MYOM2: variants seen among roughly 807,000 people sequenced by gnomAD.
MYOM2 encodes the protein myomesin-2.
Under a neutral mutation model 187.6 loss-of-function variants are expected in MYOM2, and 254 were observed. The observed-to-expected ratio is 1.35, with a 90% CI of 1.22 to 1.50. MYOM2 has a LOEUF of 1.50. Among genes scored for constraint, MYOM2 ranks in the 40% most tolerant of loss-of-function variants. MYOM2 has a pLI of 0.00. For synonymous variants in MYOM2, 981 were observed against 753.8 expected (o/e 1.30, Z -4.94); for missense variants, 2,796 against 1,924.0 (o/e 1.45, Z -8.48).
chr8:2,094,758 G>A (rs1253236911), intron 17 of MYOM2, among the ~76,000 whole-genome samples: 1 of 152,194 alleles, frequency 6.6e-6, no homozygotes, highest in African/African-American at 2.4e-5. Flanking sequence ...AGGAACTTTA[G>A]TCACTTCAGA....
chr8:2,087,879 C>G (rs904670484), intron 14 of MYOM2, among the ~76,000 whole-genome samples: 8 of 152,260 alleles, frequency 5.3e-5, no homozygotes, highest in Admixed American at 5.2e-4. Context: ...CTCAGCCTCC[C>G]AAAGTGCTGG....
intron 30 of MYOM2, among the ~76,000 whole-genome samples, chr8:2,123,852 A>T (rs1797542470): frequency 6.6e-6 from 1 of 152,248 alleles, no homozygotes; most frequent in Non-Finnish European, 1.5e-5. Context: ...CTCTGGGTTT[A>T]TATGAAACGT....
intron 27 of MYOM2, 68 bp downstream of exon 27, chr8:2,116,343 C>T: frequency 2.7e-6 from 4 of 1,464,288 alleles, no homozygotes; most frequent in Middle Eastern, 3.5e-4. Context: ...GAGTATTTGT[C>T]AGAAGCAGAT....
intron 25 of MYOM2, among the ~76,000 whole-genome samples, chr8:2,113,590 C>A (rs182900382): frequency 5.3e-5 from 8 of 152,036 alleles, no homozygotes; most frequent in Non-Finnish European, 1.0e-4. Context: ...GAGGAAGGAC[C>A]GACTGGGACA....
chr8:2,129,201 A>G lies in MYOM2; in HGVS notation c.3769A>G (p.Thr1257Ala). The G allele has an allele frequency of 1.2e-6, 2 of 1,611,588 alleles. No homozygotes were observed. The highest frequency in any genetic ancestry group is 1.7e-6 in the Non-Finnish European group (2 of 1,177,776). The change falls in exon 32 of 37, where the codon ACA (threonine) becomes GCA (alanine). Residue 1257 changes from threonine (T) to alanine (A), a missense_variant. Coordinates refer to ENST00000262113, the MANE Select transcript of MYOM2 (RefSeq NM_003970.4). Reference protein sequence around the residue: ...IRLQCFMKYFTDEMKVNWCHK... With the variant: ...IRLQCFMKYFADEMKVNWCHK... ...ACTTCAGTGTTTCATGAAGTATTTT[A>G]CAGACGAAATGAAAGTGAACTGGTG... is the stretch of plus-strand genomic sequence containing the variant.
At chr8:2,128,033 T>C (rs1797717378) in intron 31 of MYOM2, among the ~76,000 whole-genome samples, 1 of 152,220 alleles carries the variant, frequency 6.6e-6, no homozygotes, top group African/African-American at 2.4e-5. Context: ...ACATATTTTA[T>C]AATTTTCTTT....
Position 2,116,217 on chromosome 8 carries a change from A to T in MYOM2, c.3327A>T (p.Ala1109=). 6.2e-7 allele frequency: 1 copy of T among 1,608,802 alleles called. No individual in the cohort carries two copies. The part of the protein sequence containing the change: ...SQSSLVLIGD[A]FKTVLEEAEF... ...TATTTTTTTAAATATTGAATTTAGC[A>T]TTCAAGACTGTGCTGGAAGAGGCTG... Residue 1109 remains alanine (A), a splice_region_variant and synonymous_variant, in exon 27 of 37, where the codon GCA becomes GCT. Coordinates refer to ENST00000262113, the MANE Select transcript of MYOM2 (RefSeq NM_003970.4).
chr8:2,138,724 C>T (rs1798168617), intron 32 of MYOM2, among the ~76,000 whole-genome samples: 1 of 151,800 alleles, frequency 6.6e-6, no homozygotes, highest in African/African-American at 2.4e-5. Context: ...TCCAAAGTCG[C>T]TTCAGTAGAT....
intron 14 of MYOM2, among the ~76,000 whole-genome samples, chr8:2,086,732 T>C (rs533544182): frequency 1.1e-4 from 17 of 152,328 alleles, no homozygotes; most frequent in African/African-American, 4.1e-4. Context: ...GCGCCCGCGT[T>C]CTTCACTGCC....
intron 32 of MYOM2, among the ~76,000 whole-genome samples, chr8:2,139,505 G>A (rs1798201730): frequency 6.6e-6 from 1 of 152,144 alleles, no homozygotes; most frequent in South Asian, 2.1e-4. Flanking sequence ...AGAGAAAAAG[G>A]CTATGATGGT....
At chr8:2,051,754 C>A (rs1441088088) in intron 2 of MYOM2, among the ~76,000 whole-genome samples, 1 of 152,134 alleles carries the variant, frequency 6.6e-6, no homozygotes, top group Admixed American at 6.5e-5. Flanking sequence ...AGAAAGCACC[C>A]CAGGGCGGGC....
At chr8:2,107,978 A>G (rs531981911) in intron 23 of MYOM2, among the ~76,000 whole-genome samples, 16 of 152,380 alleles carry the variant, frequency 1.1e-4, no homozygotes, top group African/African-American at 3.8e-4. Context: ...GATTTAGTTC[A>G]TTCCATGTAT....
At chr8:2,070,888 A>T (rs1392970674) in intron 8 of MYOM2, among the ~76,000 whole-genome samples, 2 of 152,248 alleles carry the variant, frequency 1.3e-5, no homozygotes, top group African/African-American at 4.8e-5. Flanking sequence ...GACAGAGATG[A>T]TGGAAGCAGC....
intron 1 of MYOM2, 89 bp downstream of exon 1, chr8:2,045,257 T>C (rs1188648211): frequency 6.6e-6 from 1 of 152,258 alleles, no homozygotes; most frequent in Non-Finnish European, 1.5e-5. Flanking sequence ...TAAGTACCTC[T>C]ACTTCAGGGT....
intron 28 of MYOM2, among the ~76,000 whole-genome samples, chr8:2,120,674 ATTATAT>A (rs775678622): frequency 0.014 from 445 of 31,724 alleles, 39 homozygotes; most frequent in Non-Finnish European, 0.016. Context: ...ATATATATAT[ATTATAT>A]TATATATAAA....
At chr8:2,128,447 C>T (rs1162866525) in intron 31 of MYOM2, among the ~76,000 whole-genome samples, 1 of 152,102 alleles carries the variant, frequency 6.6e-6, no homozygotes, top group Non-Finnish European at 1.5e-5. Flanking sequence ...TGTAAATTTC[C>T]AAGGCTGAAT....
At position 2,141,264 on chromosome 8, in the gene MYOM2, G is replaced by A. The variant is rs1032422360; in HGVS notation, c.4001+87G>A. 3 of 1,193,910 alleles carry A rather than the reference G, an allele frequency of 2.5e-6. No individual in the cohort carries two copies. The African/African-American group carries it at 4.5e-5, about 18-fold the overall frequency. The allele number at this position is 1,193,910 out of a possible 1,614,324, so 74.0% of individuals were successfully genotyped here. ...GCTGCATGTGGGAATCTGTATGGAA[G>A]CCTGGGTGACCTAAAGAAAGAGCCA... On this transcript the variant is annotated intron_variant, in intron 34 of 36. Transcript: ENST00000262113.
chr8:2,097,119 A>G (rs1796521218), intron 18 of MYOM2: 2 of 982,212 alleles, frequency 2.0e-6, no homozygotes, highest in Non-Finnish European at 2.4e-6. Context: ...TTACACTCCA[A>G]CAGGAGGGCT....
intron 11 of MYOM2, 51 bp from the exon 12 acceptor site, chr8:2,078,683 T>C: frequency 6.5e-7 from 1 of 1,547,460 alleles, no homozygotes; most frequent in Non-Finnish European, 8.9e-7. Context: ...GTATATTTAG[T>C]AGGTTGCCAC....
Sources: gnomAD v4.1 joint callset for allele counts (sites outside exome capture counted in the v4.1 genomes callset) on GRCh38, gnomAD v4.1.1 for gene constraint, MANE v1.5 for transcripts, NCBI Gene and HGNC (gene_info 2026-07-23, HGNC 2026-07-21) for gene names.